ARIH2: variants seen among roughly 807,000 people sequenced by gnomAD.
The protein encoded by ARIH2 is E3 ubiquitin-protein ligase ARIH2.
Under a neutral mutation model 79.8 loss-of-function variants are expected in ARIH2, and 12 were observed. That is an observed-to-expected ratio of 0.15 (90% confidence interval 0.10 to 0.24). ARIH2 has a LOEUF of 0.24. Ranked by LOEUF, ARIH2 falls within the 10% of genes least tolerant of loss-of-function variation. The probability of loss-of-function intolerance (pLI) is 1.00; values close to 1 mark genes in which losing one functional copy is unlikely to be tolerated. For synonymous variants in ARIH2, 224 were observed against 213.9 expected, an observed-to-expected ratio of 1.05 and a Z score of -0.41; for missense variants, 301 against 618.3, an observed-to-expected ratio of 0.49 and a Z score of 5.44.
chr3:48,934,805 A>G (rs2086889320), intron 3 of ARIH2: 1 of 985,322 alleles, frequency 1.0e-6, no homozygotes, highest in Non-Finnish European at 1.2e-6. Flanking sequence ...ATCGCTGTGT[A>G]CCTGATACCA....
intron 2 of ARIH2, among the ~76,000 whole-genome samples, chr3:48,924,498 A>C (rs1169938388): frequency 2.0e-5 from 3 of 151,536 alleles, no homozygotes; most frequent in Admixed American, 1.3e-4. Context: ...CATGACCGCT[A>C]TGCCTGTCTT....
chr3:48,974,095 G>A (rs764325879), intron 9 of ARIH2, among the ~76,000 whole-genome samples: 23 of 152,158 alleles, frequency 1.5e-4, no homozygotes, highest in Non-Finnish European at 2.6e-4. Flanking sequence ...ATGATTGAAC[G>A]CCTACCAGCC....
At chr3:48,955,984 A>C (rs2090524841) in intron 3 of ARIH2, among the ~76,000 whole-genome samples, 1 of 152,086 alleles carries the variant, frequency 6.6e-6, no homozygotes, top group African/African-American at 2.4e-5. Context: ...TTTCCTGTAG[A>C]TCCTTCCTGG....
intron 3 of ARIH2, among the ~76,000 whole-genome samples, chr3:48,939,757 C>CAA (rs1190260583): frequency 4.6e-4 from 20 of 43,430 alleles, no homozygotes; most frequent in East Asian, 2.2e-3. Flanking sequence ...GACTCCATCT[C>CAA]AAAAAAAAAA....
intron 2 of ARIH2, 76 bp from the exon 3 acceptor site, chr3:48,927,386 T>G: frequency 2.7e-6 from 2 of 745,814 alleles, no homozygotes; most frequent in Non-Finnish European, 4.2e-6. Context: ...GACTGTCCCA[T>G]TTTGATTCTT....
chr3:48,965,055 A>G (rs2091637762), intron 5 of ARIH2, 73 bp downstream of exon 5: 1 of 1,442,766 alleles, frequency 6.9e-7, no homozygotes, highest in Admixed American at 1.7e-5. Flanking sequence ...AGTGTCCTTA[A>G]GAGCTATCTT....
intron 3 of ARIH2, chr3:48,944,893 T>C (rs2088897367): frequency 8.4e-6 from 3 of 357,456 alleles, no homozygotes; most frequent in South Asian, 6.4e-5. Flanking sequence ...TAGGCTGATT[T>C]TCCTATATCA....
intron 11 of ARIH2, 35 bp from the exon 12 acceptor site, chr3:48,979,447 G>A (rs774728858): frequency 1.9e-6 from 3 of 1,604,646 alleles, no homozygotes; most frequent in East Asian, 4.5e-5. Flanking sequence ...GAGTTGTCTT[G>A]TAGATGTAAA....
At chr3:48,929,309 A>C (rs187243447) in intron 3 of ARIH2, among the ~76,000 whole-genome samples, 43 of 150,362 alleles carry the variant, frequency 2.9e-4, no homozygotes, top group Middle Eastern at 7.0e-3. Flanking sequence ...GGGCCCAAGC[A>C]CCTGTCCGTC....
intron 4 of ARIH2, among the ~76,000 whole-genome samples, chr3:48,964,329 T>C (rs2091569458): frequency 6.6e-6 from 1 of 150,946 alleles, no homozygotes; most frequent in Non-Finnish European, 1.5e-5. Context: ...TTTTTTTTTT[T>C]TTTTGAGACA....
intron 11 of ARIH2, among the ~76,000 whole-genome samples, chr3:48,978,111 A>G (rs1042943909): frequency 1.3e-5 from 2 of 152,190 alleles, no homozygotes; most frequent in South Asian, 2.1e-4. Flanking sequence ...TGACACAGAT[A>G]TAACAAGGCA....
At chr3:48,972,414 G>A (rs2092286970) in intron 8 of ARIH2, among the ~76,000 whole-genome samples, 3 of 132,984 alleles carry the variant, frequency 2.3e-5, no homozygotes, top group Admixed American at 8.3e-5. Flanking sequence ...AGACTGAGGC[G>A]GGTGGATCAC....
intron 8 of ARIH2, among the ~76,000 whole-genome samples, chr3:48,971,385 C>T (rs965088814): frequency 6.6e-6 from 1 of 152,212 alleles, no homozygotes; most frequent in Admixed American, 6.5e-5. Flanking sequence ...GCTGGGACTA[C>T]AGGCATGTGC....
intron 3 of ARIH2, among the ~76,000 whole-genome samples, chr3:48,951,929 T>C (rs1248108137): frequency 1.3e-5 from 2 of 152,146 alleles, no homozygotes; most frequent in African/African-American, 2.4e-5. Flanking sequence ...TGTTACTATT[T>C]TCTTCTTTTT....
At chr3:48,936,422 G>A (rs1210456731) in intron 3 of ARIH2, among the ~76,000 whole-genome samples, 1 of 152,118 alleles carries the variant, frequency 6.6e-6, no homozygotes, top group African/African-American at 2.4e-5. Flanking sequence ...CTTTTATAAA[G>A]TTTAAATCTT....
In ARIH2 at chr3:48,974,810, T is replaced by C. The variant is rs1298153147; in HGVS notation, c.889-7T>C. ...GTGAGCCTAATGGCACCCTTCTGTC[T>C]CCTCAGTGTCCCAAGTGCAACATCT... is the stretch of plus-strand genomic sequence containing the variant. On this transcript the variant is annotated splice_polypyrimidine_tract_variant and splice_region_variant and intron_variant, in intron 9 of 15. Coordinates refer to ENST00000356401, the MANE Select transcript of ARIH2 (RefSeq NM_006321.4). 1 of 1,612,916 alleles carries C rather than the reference T, an allele frequency of 6.2e-7. No individual in the cohort carries two copies. The highest frequency in any genetic ancestry group is 8.5e-7 in the Non-Finnish European group (1 of 1,179,996).
chr3:48,970,532 G>A, intron 7 of ARIH2, 63 bp from the exon 8 acceptor site: 3 of 1,060,478 alleles, frequency 2.8e-6, no homozygotes, highest in Non-Finnish European at 2.9e-6. Context: ...ATATTCAGGG[G>A]GTTCTGATTT....
intron 3 of ARIH2, among the ~76,000 whole-genome samples, chr3:48,932,469 G>A (rs1044645604): frequency 9.9e-5 from 15 of 152,202 alleles, no homozygotes; most frequent in African/African-American, 3.6e-4. Context: ...CTTTATAGAT[G>A]AAAGAGGTCC....
At chr3:48,974,519 C>G (rs2092405416) in intron 9 of ARIH2, 2 of 465,978 alleles carry the variant, frequency 4.3e-6, no homozygotes, top group Non-Finnish European at 7.9e-6. Flanking sequence ...CTCAAGAAGG[C>G]AGGCTTTCTG....
Sources: allele counts gnomAD v4.1 joint callset (sites outside exome capture counted in the v4.1 genomes callset), GRCh38; gene constraint gnomAD v4.1.1; transcripts MANE v1.5; gene names NCBI Gene and HGNC (gene_info 2026-07-23, HGNC 2026-07-21).